The following MYO3B variants were observed in gnomAD, a reference collection of about 807,000 sequenced individuals.
MYO3B encodes the protein myosin IIIB, also known as myosin-IIIb.
Under a neutral mutation model 174.6 loss-of-function variants are expected in MYO3B, and 156 were observed. The observed-to-expected ratio is 0.89, with a 90% confidence interval of 0.78 to 1.02. The LOEUF is 1.02. MYO3B is among the 50% of genes least tolerant of loss of function. MYO3B has a pLI of 0.00. For missense variants in MYO3B, 1,632 were observed against 1,639.4 expected (o/e 1.00, Z 0.08); for synonymous variants, 563 against 569.1 (o/e 0.99, Z 0.15).
intron 1 of MYO3B, among the ~76,000 whole-genome samples, chr2:170,182,226 C>G (rs1343140334): frequency 6.6e-6 from 1 of 151,972 alleles, no homozygotes; most frequent in East Asian, 1.9e-4. Context: ...CTTGCCTACA[C>G]CAAGACTATA....
At chr2:170,434,506 G>T (rs983836395) in intron 22 of MYO3B, among the ~76,000 whole-genome samples, 2 of 152,138 alleles carry the variant, frequency 1.3e-5, no homozygotes, top group African/African-American at 4.8e-5. Flanking sequence ...ATTGGCTAGG[G>T]TTAGACCACA....
chr2:170,498,938 A>C (rs1687052706), intron 26 of MYO3B, among the ~76,000 whole-genome samples: 1 of 152,152 alleles, frequency 6.6e-6, no homozygotes, highest in South Asian at 2.1e-4. Flanking sequence ...TTAGAATGAG[A>C]TCTTTGAGCT....
chr2:170,556,071 C>T lies in MYO3B; in HGVS notation c.3733+12083C>T, dbSNP rs563353792. Among the ~76,000 whole-genome samples the T allele has an allele frequency of 6.6e-5, 10 of 152,054 alleles. No individual in the cohort carries two copies. In the East Asian group the frequency reaches 1.9e-3, roughly 30 times the overall value. On this transcript the variant is annotated intron_variant, in intron 32 of 34. Transcript: ENST00000408978. ...ATTAGCTGGGCGTAATAGCACACGC[C>T]TGTAATCCCAGCTACTCAGGAGGCT...
intron 3 of MYO3B, among the ~76,000 whole-genome samples, chr2:170,201,466 C>T (rs1340460380): frequency 6.6e-6 from 1 of 152,196 alleles, no homozygotes; most frequent in Non-Finnish European, 1.5e-5. Context: ...GTTTCTGGCT[C>T]TGGGAGGGCC....
At chr2:170,644,868 G>A (rs1698244766) in intron 32 of MYO3B, among the ~76,000 whole-genome samples, 1 of 152,124 alleles carries the variant, frequency 6.6e-6, no homozygotes. Context: ...TTTAGCTCCA[G>A]TTTATTATAA....
chr2:170,184,941 A>G (rs1312021881), intron 1 of MYO3B, among the ~76,000 whole-genome samples: 1 of 152,066 alleles, frequency 6.6e-6, no homozygotes, highest in Non-Finnish European at 1.5e-5. Context: ...CTGATTATTG[A>G]TTTTGAGCAC....
intron 7 of MYO3B, among the ~76,000 whole-genome samples, chr2:170,319,733 A>G (rs2093801886): frequency 6.6e-6 from 1 of 152,232 alleles, no homozygotes; most frequent in African/African-American, 2.4e-5. Flanking sequence ...TACACATCCT[A>G]GTTAAACTGG....
At chr2:170,513,471 T>A (rs1310841966) in intron 28 of MYO3B, among the ~76,000 whole-genome samples, 1 of 152,146 alleles carries the variant, frequency 6.6e-6, no homozygotes, top group Non-Finnish European at 1.5e-5. Flanking sequence ...TCTCTCTGTG[T>A]CTTCACGTGG....
intron 32 of MYO3B, among the ~76,000 whole-genome samples, chr2:170,550,754 T>C (rs1690824141): frequency 1.3e-5 from 2 of 152,220 alleles, no homozygotes. Context: ...TCAAGTGATC[T>C]CATTAAATTC....
chr2:170,630,700 G>C (rs1696882641), intron 32 of MYO3B, among the ~76,000 whole-genome samples: 1 of 152,192 alleles, frequency 6.6e-6, no homozygotes, highest in Non-Finnish European at 1.5e-5. Context: ...CGAAGCTTCA[G>C]AGGAAGGATC....
intron 7 of MYO3B, among the ~76,000 whole-genome samples, chr2:170,271,514 T>TA (rs2093424996): frequency 6.6e-6 from 1 of 152,194 alleles, no homozygotes; most frequent in Non-Finnish European, 1.5e-5. Context: ...CCAAAGTTGA[T>TA]ACTTTGATAT....
At chr2:170,250,566 G>T (rs73027162) in intron 7 of MYO3B, among the ~76,000 whole-genome samples, 2,602 of 152,300 alleles carry the variant, frequency 0.017, 80 homozygotes, top group African/African-American at 0.06. Context: ...GTTACAGTGC[G>T]TTCCTTTAGG....
rs1380337009 is a variant in MYO3B, at chr2:170,407,827, T to A, written c.2633T>A (p.Ile878Asn). The A allele has an allele frequency of 6.2e-7, 1 of 1,613,976 alleles. No homozygotes were observed. Among genetic ancestry groups the A allele is most frequent in the Admixed American group, 1.7e-5 (1 of 60,026 alleles). Residue 878 changes from isoleucine (I) to asparagine (N), a missense_variant, in exon 22 of 35, where the codon ATC becomes AAC. Physicochemically the swap from Ile to Asn is moderately radical, Grantham distance 149. Coordinates refer to ENST00000408978, the MANE Select transcript of MYO3B (RefSeq NM_138995.5). The part of the protein sequence containing the change: ...ENKLLQQLFS[I>N]PLTKTGNLAQ... ...AAGCTTCTTCAGCAGCTCTTCTCAATCCCTCTGACCAAAACAGGTACTTGG... is the reference window on the plus strand; with the variant it reads ...AAGCTTCTTCAGCAGCTCTTCTCAAACCCTCTGACCAAAACAGGTACTTGG...
intron 25 of MYO3B, among the ~76,000 whole-genome samples, chr2:170,490,028 C>CTTTTTTTTTTTTTTT (rs751661221): frequency 6.9e-6 from 1 of 145,890 alleles, no homozygotes; most frequent in African/African-American, 2.6e-5. Context: ...AGTTTCTTTT[C>CTTTTTTTTTTTTTTT]TTTCTTTTTT....
chr2:170,517,989 TTGTGTG>T (rs10606302), intron 29 of MYO3B, among the ~76,000 whole-genome samples: 7 of 149,394 alleles, frequency 4.7e-5, no homozygotes, highest in Admixed American at 2.0e-4. Flanking sequence ...GCCATAATGT[TTGTGTG>T]TGTGTGTGTG....
chr2:170,183,076 T>C (rs987565833), intron 1 of MYO3B, among the ~76,000 whole-genome samples: 4 of 151,944 alleles, frequency 2.6e-5, no homozygotes, highest in Admixed American at 6.6e-5. Flanking sequence ...GGCAACACTG[T>C]GAAACCCCGT....
intron 32 of MYO3B, among the ~76,000 whole-genome samples, chr2:170,635,610 T>A (rs1374944251): frequency 6.6e-6 from 1 of 152,178 alleles, no homozygotes; most frequent in Non-Finnish European, 1.5e-5. Context: ...ACTTAAAGTA[T>A]AATAAAATAT....
At chr2:170,339,370 G>C (rs2093963883) in intron 8 of MYO3B, among the ~76,000 whole-genome samples, 2 of 152,164 alleles carry the variant, frequency 1.3e-5, no homozygotes, top group South Asian at 4.1e-4. Context: ...TGTGACTACT[G>C]AGCCGTAACA....
At position 170,652,213 on chromosome 2, in the gene MYO3B, T is replaced by C. The variant is rs546419479; in HGVS notation, c.3887+59T>C. 5.5e-5 allele frequency: 83 copies of C among 1,508,932 alleles called. No individual in the cohort carries two copies. The South Asian group carries it at 9.8e-4, about 18-fold the overall frequency. 93.5% of individuals were successfully genotyped at this position (1,508,932 alleles called of 1,614,324 possible). On this transcript the variant is annotated intron_variant, in intron 34 of 34. Coordinates refer to ENST00000408978, the MANE Select transcript of MYO3B (RefSeq NM_138995.5). The stretch of plus-strand genomic sequence containing the variant: ...TAAACAGAAGGGGTCCTTTGTGATA[T>C]TACAGAAAATGCAAAACTTTCCAGA...
Sources: gnomAD v4.1 joint callset for allele counts (sites outside exome capture counted in the v4.1 genomes callset) on GRCh38, gnomAD v4.1.1 for gene constraint, MANE v1.5 for transcripts, NCBI Gene and HGNC (gene_info 2026-07-23, HGNC 2026-07-21) for gene names.